CFAP61: variants seen among roughly 807,000 people sequenced by gnomAD.
The protein encoded by CFAP61 is cilia and flagella associated protein 61.
Under a neutral mutation model 135.6 loss-of-function variants are expected in CFAP61, and 107 were observed. The ratio of observed to expected loss-of-function variants is 0.79; its 90% confidence interval spans 0.67 to 0.93. The LOEUF (loss-of-function observed/expected upper bound fraction) is 0.93. CFAP61 is among the 40% of genes least tolerant of loss of function. The pLI is 0.00. For synonymous variants in CFAP61, 575 were observed against 578.5 expected (o/e 0.99, Z 0.09); for missense variants, 1,507 against 1,556.2 (o/e 0.97, Z 0.53).
intron 20 of CFAP61, among the ~76,000 whole-genome samples, chr20:20,258,872 C>T (rs548743672): frequency 1.3e-5 from 2 of 152,228 alleles, no homozygotes; most frequent in Non-Finnish European, 2.9e-5. Flanking sequence ...GTTAGAGAAC[C>T]GAGGGTGCTG....
chr20:20,069,721 T>C (rs773662533), intron 2 of CFAP61: 10 of 456,160 alleles, frequency 2.2e-5, no homozygotes, highest in Non-Finnish European at 4.4e-5. Context: ...TTCCAAATTA[T>C]TTATTTTTTC....
chr20:20,090,729 C>G, intron 6 of CFAP61, 115 bp from the exon 7 acceptor site: 2 of 671,650 alleles, frequency 3.0e-6, no homozygotes. Flanking sequence ...AAGTTGATAT[C>G]ATGAGTGTTG....
intron 17 of CFAP61, chr20:20,220,968 TA>T (rs1247021779): frequency 2.6e-5 from 4 of 152,232 alleles, no homozygotes; most frequent in African/African-American, 4.8e-5. Flanking sequence ...TTATTACTTG[TA>T]GAACAATGCA....
At chr20:20,132,478 A>G (rs1255925395) in intron 8 of CFAP61, among the ~76,000 whole-genome samples, 1 of 152,164 alleles carries the variant, frequency 6.6e-6, no homozygotes, top group African/African-American at 2.4e-5. Context: ...CCATGGAAAT[A>G]GTGTGAATCC....
chr20:20,171,733 T>C (rs766700867), intron 13 of CFAP61: 11 of 664,802 alleles, frequency 1.7e-5, no homozygotes, highest in African/African-American at 1.5e-4. Context: ...TTGCTAACTG[T>C]GTTTCAATAT....
At chr20:20,147,156 A>C (rs191156294) in intron 9 of CFAP61, among the ~76,000 whole-genome samples, 3 of 152,178 alleles carry the variant, frequency 2.0e-5, no homozygotes, top group Admixed American at 2.0e-4. Flanking sequence ...GTTGATGGAC[A>C]CTTAGTTTGG....
chr20:20,279,451 A>G (rs2054018457), intron 22 of CFAP61, among the ~76,000 whole-genome samples: 1 of 152,240 alleles, frequency 6.6e-6, no homozygotes, highest in Non-Finnish European at 1.5e-5. Flanking sequence ...AGAAAATGTT[A>G]TTAAGACAAT....
chr20:20,339,654 T>C (rs986288537), intron 25 of CFAP61, among the ~76,000 whole-genome samples: 1 of 151,956 alleles, frequency 6.6e-6, no homozygotes, highest in South Asian at 2.1e-4. Context: ...TTTTTATTTT[T>C]TATTCTTTGT....
chr20:20,154,223 T>C (rs2052690482), intron 9 of CFAP61, among the ~76,000 whole-genome samples: 1 of 151,912 alleles, frequency 6.6e-6, no homozygotes, highest in Non-Finnish European at 1.5e-5. Context: ...ATAAAAGCCA[T>C]CTATGAGACA....
At chr20:20,233,421 G>A (rs1039571499) in intron 18 of CFAP61, among the ~76,000 whole-genome samples, 1 of 152,170 alleles carries the variant, frequency 6.6e-6, no homozygotes, top group Non-Finnish European at 1.5e-5. Context: ...GCATGGGAGC[G>A]AGGCCCAGGG....
At chr20:20,054,603 T>A (rs903768654) in intron 1 of CFAP61, among the ~76,000 whole-genome samples, 1 of 152,228 alleles carries the variant, frequency 6.6e-6, no homozygotes, top group Non-Finnish European at 1.5e-5. Context: ...TGTCTCTGGT[T>A]GTTACTGTGC....
intron 22 of CFAP61, among the ~76,000 whole-genome samples, chr20:20,279,455 A>G (rs1329059082): frequency 1.3e-5 from 2 of 152,256 alleles, no homozygotes; most frequent in East Asian, 3.8e-4. Flanking sequence ...AATGTTATTA[A>G]GACAATCATA....
intron 24 of CFAP61, among the ~76,000 whole-genome samples, chr20:20,290,657 T>C (rs1261660050): frequency 3.3e-5 from 5 of 152,130 alleles, no homozygotes; most frequent in African/African-American, 1.2e-4. Context: ...CAAGGTCAGG[T>C]CAGGTCAAGA....
At chr20:20,188,958 C>T (rs902465174) in intron 14 of CFAP61, among the ~76,000 whole-genome samples, 3 of 152,274 alleles carry the variant, frequency 2.0e-5, no homozygotes, top group Non-Finnish European at 2.9e-5. Context: ...AATGGAATCA[C>T]ACCGTTTGTT....
At chr20:20,284,789 A>C (rs1263055477) in intron 22 of CFAP61, among the ~76,000 whole-genome samples, 1 of 152,168 alleles carries the variant, frequency 6.6e-6, no homozygotes. Flanking sequence ...ATCTACAAAC[A>C]CTGCAAAATC....
At chr20:20,269,770 A>G (rs981039239) in intron 21 of CFAP61, among the ~76,000 whole-genome samples, 1 of 152,210 alleles carries the variant, frequency 6.6e-6, no homozygotes, top group Non-Finnish European at 1.5e-5. Flanking sequence ...ATATTTACCC[A>G]TATAAAATGC....
chr20:20,178,556 A>G (rs1237122582), intron 13 of CFAP61, among the ~76,000 whole-genome samples: 3 of 152,216 alleles, frequency 2.0e-5, no homozygotes, highest in Non-Finnish European at 4.4e-5. Context: ...TTGGCTAACC[A>G]ATATTTATTG....
intron 20 of CFAP61, among the ~76,000 whole-genome samples, chr20:20,252,299 A>T (rs2050996605): frequency 1.4e-5 from 2 of 146,422 alleles, no homozygotes. Flanking sequence ...TGAGTAAAGC[A>T]TTGCTGGATA....
intron 25 of CFAP61, 87 bp downstream of exon 25, chr20:20,298,473 G>A (rs112161929): frequency 8.6e-6 from 10 of 1,158,330 alleles, no homozygotes; most frequent in African/African-American, 4.6e-5. Flanking sequence ...TGATGCACCC[G>A]AGAGCAAAAC....
Sources: allele counts gnomAD v4.1 joint callset (sites outside exome capture counted in the v4.1 genomes callset), GRCh38; gene constraint gnomAD v4.1.1; transcripts MANE v1.5; gene names NCBI Gene and HGNC (gene_info 2026-07-23, HGNC 2026-07-21).